AFF4: variants seen among roughly 807,000 people sequenced by gnomAD.
AFF4 encodes AF4/FMR2 family member 4.
In AFF4, 13 loss-of-function variants were observed where a neutral mutation model predicts 124.8. The ratio of observed to expected loss-of-function variants is 0.10; its 90% CI spans 0.07 to 0.17. The LOEUF (loss-of-function observed/expected upper bound fraction) is 0.17, where lower values mean the gene tolerates loss of function less well. Ranked by LOEUF, AFF4 falls within the 10% of genes least tolerant of loss-of-function variation. The probability of loss-of-function intolerance (pLI) is 1.00; values close to 1 mark genes in which losing one functional copy is unlikely to be tolerated. For missense variants in AFF4, 1,092 were observed against 1,403.8 expected, an observed-to-expected ratio of 0.78 and a Z score of 3.55; for synonymous variants, 477 against 496.1, an observed-to-expected ratio of 0.96 and a Z score of 0.51.
intron 4 of AFF4, among the ~76,000 whole-genome samples, chr5:132,928,860 A>G (rs1761239501): frequency 6.6e-6 from 1 of 152,172 alleles, no homozygotes; most frequent in Admixed American, 6.5e-5. Flanking sequence ...AGCCACCTGC[A>G]CATAATTGCT....
intron 4 of AFF4, 74 bp downstream of exon 4, chr5:132,932,104 G>T (rs1357026266): frequency 9.5e-7 from 1 of 1,054,278 alleles, no homozygotes; most frequent in Non-Finnish European, 1.4e-6. Flanking sequence ...TGAAATACAG[G>T]TAGAAAGAGG....
At chr5:132,906,798 TG>T (rs143942483) in intron 5 of AFF4, among the ~76,000 whole-genome samples, 17,393 of 151,968 alleles carry the variant, frequency 0.11, 1,264 homozygotes, top group South Asian at 0.19. Flanking sequence ...TTGTGACTTT[TG>T]TTTAAAATGA....
At position 132,884,390 on chromosome 5, in the gene AFF4, C is replaced by A. The variant is rs868145108; in HGVS notation, c.3143+686G>T. ...GAGTAGCTAGGATTACAGGCGCGCACGACACCACACCCGGCTAATTTTTGT... is the reference window on the plus strand; with the variant it reads ...GAGTAGCTAGGATTACAGGCGCGCAAGACACCACACCCGGCTAATTTTTGT... On this transcript the variant is annotated intron_variant, in intron 19 of 20. Transcript: ENST00000265343. Among the ~76,000 whole-genome samples the A allele has an allele frequency of 9.9e-5, 15 of 152,170 alleles. No individual in the cohort carries two copies. In the East Asian group the frequency reaches 2.7e-3, roughly 27 times the overall value.
intron 5 of AFF4, among the ~76,000 whole-genome samples, chr5:132,924,631 A>G (rs1479748874): frequency 6.6e-6 from 1 of 152,152 alleles, no homozygotes; most frequent in African/African-American, 2.4e-5. Context: ...AGGCAAGTGG[A>G]TAACCTGAGG....
At chr5:132,937,922 T>C (rs1249423973) in intron 1 of AFF4, among the ~76,000 whole-genome samples, 1 of 152,136 alleles carries the variant, frequency 6.6e-6, no homozygotes, top group Non-Finnish European at 1.5e-5. Context: ...ATCTCTATAA[T>C]CAGGACAGTT....
At position 132,886,411 on chromosome 5, in the gene AFF4, A is replaced by G; in HGVS notation, c.3006-8T>C. ...AAAGACTCGCATCGCAGGCTAGCCA[A>G]TGGAAAAGGGCGGCTTATTTACCAG... On this transcript the variant is annotated splice_region_variant and splice_polypyrimidine_tract_variant and intron_variant, in intron 17 of 20. Transcript: ENST00000265343. 1 of 1,613,176 alleles carries G rather than the reference A, an allele frequency of 6.2e-7. No individual in the cohort carries two copies. The highest frequency in any genetic ancestry group is 8.5e-7 in the Non-Finnish European group (1 of 1,179,698).
At chr5:132,899,707 T>C (rs1760501661) in intron 7 of AFF4, 66 bp from the exon 8 acceptor site, 1 of 1,392,060 alleles carries the variant, frequency 7.2e-7, no homozygotes, top group Non-Finnish European at 1.0e-6. Context: ...GAGTACTAAA[T>C]ATCTACTAAA....
intron 5 of AFF4, 135 bp downstream of exon 5, chr5:132,926,986 T>A (rs1761187633): frequency 1.5e-6 from 1 of 660,886 alleles, no homozygotes. Context: ...CTATCTGAAT[T>A]TATCTATTTA....
intron 14 of AFF4, among the ~76,000 whole-genome samples, 187 bp downstream of exon 14, chr5:132,888,892 T>C (rs1292212590): frequency 6.6e-6 from 1 of 152,114 alleles, no homozygotes; most frequent in Non-Finnish European, 1.5e-5. Flanking sequence ...CAGACAGGGT[T>C]TCTCCATGTT....
intron 14 of AFF4, 64 bp downstream of exon 14, chr5:132,889,015 A>T: frequency 6.8e-7 from 1 of 1,466,842 alleles, no homozygotes; most frequent in Non-Finnish European, 9.5e-7. Context: ...AATGAAAATG[A>T]GTTTCTTATA....
At chr5:132,944,291 C>A (rs556216855) in intron 1 of AFF4, among the ~76,000 whole-genome samples, 1 of 151,644 alleles carries the variant, frequency 6.6e-6, no homozygotes, top group Admixed American at 6.6e-5. Context: ...GAGCCGAGAT[C>A]GTGCCGCTGC....
At position 132,898,434 on chromosome 5, in the gene AFF4, C is replaced by T; in HGVS notation, c.1227-42G>A. 6 of 1,572,648 alleles carry T rather than the reference C, an allele frequency of 3.8e-6. No homozygotes were observed. The South Asian group carries it at 4.6e-5, about 12-fold the overall frequency. ...ATACAAATGTCCAAAGTTTATTTTA[C>T]ATTGACAACAGGAAAACATCCAAAT... On this transcript the variant is annotated intron_variant, in intron 9 of 20. Coordinates refer to ENST00000265343, the MANE Select transcript of AFF4 (RefSeq NM_014423.4).
intron 1 of AFF4, among the ~76,000 whole-genome samples, chr5:132,961,396 T>C (rs1336248074): frequency 6.6e-6 from 1 of 152,104 alleles, no homozygotes; most frequent in Non-Finnish European, 1.5e-5. Context: ...CTTGTATTTT[T>C]AGTAGAGACG....
chr5:132,951,096 A>G (rs898625866), intron 1 of AFF4, among the ~76,000 whole-genome samples: 6 of 152,084 alleles, frequency 3.9e-5, no homozygotes, highest in Admixed American at 3.9e-4. Context: ...GTGGTGGTGC[A>G]AACCTGTAGT....
intron 12 of AFF4, 52 bp from the exon 13 acceptor site, chr5:132,892,456 A>G (rs756204201): frequency 6.5e-7 from 1 of 1,542,270 alleles, no homozygotes. Flanking sequence ...TACAGGGGTA[A>G]TTGATTTTTC....
rs369258318 is a variant in AFF4, at chr5:132,878,601, T to C, written c.*2458A>G. Reference sequence around the variant, plus strand: ...AGTAGTATTTCCACACACTATGACATTGAAAATTCAATCATTTATGATAGG... The same window carrying C: ...AGTAGTATTTCCACACACTATGACACTGAAAATTCAATCATTTATGATAGG... On this transcript the variant is annotated 3_prime_UTR_variant, in exon 21 of 21. Transcript: ENST00000265343. The C allele has an allele frequency of 4.8e-5, 11 of 229,780 alleles. No homozygotes were observed. In the South Asian group the frequency reaches 5.4e-4, roughly 11 times the overall value. The allele number at this position is 229,780 out of a possible 1,614,324, so 14.2% of individuals were successfully genotyped here.
rs1297991693 is a variant in AFF4, at chr5:132,888,100, T to G, written c.2793A>C (p.Ala931=). The G allele has an allele frequency of 1.2e-6, 2 of 1,610,688 alleles. No individual in the cohort carries two copies. Among genetic ancestry groups the G allele is most frequent in the Non-Finnish European group, 1.7e-6 (2 of 1,177,742 alleles). Residue 931 remains alanine, a synonymous_variant, in exon 15 of 21, where the codon GCA becomes GCC. Coordinates refer to ENST00000265343, the MANE Select transcript of AFF4 (RefSeq NM_014423.4). ...EAKKLKHNAD[A]LSDRFEKAVY... ...TGTAAGGAGAATATCTACATACCAA[T>G]GCATCTGCATTGTGCTTTAGCTTTT...
At chr5:132,904,320 T>C in intron 6 of AFF4, 48 bp downstream of exon 6, 1 of 1,531,742 alleles carries the variant, frequency 6.5e-7, no homozygotes, top group Non-Finnish European at 9.0e-7. Flanking sequence ...AAACTGAATG[T>C]TCAATAAATA....
chr5:132,875,834 T>C lies in AFF4; in HGVS notation c.*5225A>G, dbSNP rs1314176116. On this transcript the variant is annotated 3_prime_UTR_variant, in exon 21 of 21. Transcript: ENST00000265343. ...TGAAAATGTCAGATGCCTAAATATTTTGGATAAAAGAAATGTAAAACAAAG... is the reference window on the plus strand; with the variant it reads ...TGAAAATGTCAGATGCCTAAATATTCTGGATAAAAGAAATGTAAAACAAAG... The C allele has an allele frequency of 9.3e-6, 2 of 215,910 alleles. No homozygotes were observed. Among genetic ancestry groups the C allele is most frequent in the Non-Finnish European group, 1.9e-5 (2 of 107,054 alleles). 13.4% of individuals were successfully genotyped at this position (215,910 alleles called of 1,614,324 possible).
Sources: allele counts gnomAD v4.1 joint callset (sites outside exome capture counted in the v4.1 genomes callset), GRCh38; gene constraint gnomAD v4.1.1; transcripts MANE v1.5; gene names NCBI Gene and HGNC (gene_info 2026-07-23, HGNC 2026-07-21).